VEPH1: variants seen among roughly 807,000 people sequenced by gnomAD.
The protein encoded by VEPH1 is ventricular zone expressed PH domain containing 1, also known as ventricular zone-expressed PH domain-containing protein homolog 1.
In VEPH1, 80 loss-of-function variants were observed where a neutral mutation model predicts 85.2. The observed-to-expected ratio is 0.94, with a 90% confidence interval of 0.78 to 1.13. The LOEUF is 1.13. VEPH1 is among the 50% of genes most tolerant of loss of function. VEPH1 has a pLI of 0.00. For missense variants in VEPH1, 955 were observed against 980.5 expected, an observed-to-expected ratio of 0.97 and a Z score of 0.35; for synonymous variants, 297 against 348.0, an observed-to-expected ratio of 0.85 and a Z score of 1.63.
At chr3:157,265,720 G>C in intron 12 of VEPH1, 58 bp from the exon 13 acceptor site, 1 of 1,585,696 alleles carries the variant, frequency 6.3e-7, no homozygotes, top group Non-Finnish European at 8.6e-7. Context: ...CTAGGTAGGT[G>C]ATCAAAAGTC....
At chr3:157,357,926 T>C (rs2108748801) in intron 9 of VEPH1, among the ~76,000 whole-genome samples, 1 of 152,352 alleles carries the variant, frequency 6.6e-6, no homozygotes, top group South Asian at 2.1e-4. Flanking sequence ...TTTTGGAAGT[T>C]TGCAACATGT....
At chr3:157,325,464 T>C (rs1362727527) in intron 9 of VEPH1, among the ~76,000 whole-genome samples, 1 of 152,216 alleles carries the variant, frequency 6.6e-6, no homozygotes, top group African/African-American at 2.4e-5. Flanking sequence ...CGGGTTTTGA[T>C]AGTTTTGGGT....
At chr3:157,281,087 C>CGTGT (rs141433345) in intron 12 of VEPH1, among the ~76,000 whole-genome samples, 6,431 of 148,752 alleles carry the variant, frequency 0.043, 165 homozygotes, top group South Asian at 0.11. Flanking sequence ...CATATGTGTG[C>CGTGT]GTGTGTGTGT....
intron 6 of VEPH1, among the ~76,000 whole-genome samples, chr3:157,401,265 A>G (rs1456108): frequency 0.67 from 102,018 of 151,968 alleles, 34,614 homozygotes; most frequent in South Asian, 0.75. Flanking sequence ...TAAAAAGAGA[A>G]AGGCTGATTG....
chr3:157,436,513 G>A (rs1483160099), intron 4 of VEPH1, among the ~76,000 whole-genome samples: 1 of 152,104 alleles, frequency 6.6e-6, no homozygotes, highest in South Asian at 2.1e-4. Flanking sequence ...CTGAAATGAT[G>A]ATTTGCTTCA....
At chr3:157,307,100 T>A (rs1456583226) in intron 11 of VEPH1, among the ~76,000 whole-genome samples, 1 of 152,044 alleles carries the variant, frequency 6.6e-6, no homozygotes, top group African/African-American at 2.4e-5. Context: ...ATTTAAGCAT[T>A]TTTATGATCA....
At chr3:157,483,280 A>G (rs1298989396) in intron 2 of VEPH1, among the ~76,000 whole-genome samples, 1 of 152,156 alleles carries the variant, frequency 6.6e-6, no homozygotes, top group Admixed American at 6.6e-5. Context: ...TCCTAGCAGA[A>G]GCAAATACAA....
At position 157,270,890 on chromosome 3, in the gene VEPH1, A is replaced by T. The variant is rs571876289; in HGVS notation, c.2129-5228T>A. On this transcript the variant is annotated intron_variant, in intron 12 of 13. Coordinates refer to ENST00000362010, the MANE Select transcript of VEPH1 (RefSeq NM_001167912.2). ...AAGCCACATGTTACAGCATTTGAAG[A>T]GCAGAAATTCCACTTCTAGTTGAGA... Among the ~76,000 whole-genome samples the T allele has an allele frequency of 2.0e-5, 3 of 152,122 alleles. No individual in the cohort carries two copies. In the East Asian group the frequency reaches 5.8e-4, roughly 30 times the overall value.
chr3:157,363,199 T>TG (rs1324840681), intron 9 of VEPH1, 165 bp downstream of exon 9: 43 of 540,106 alleles, frequency 8.0e-5, no homozygotes, highest in East Asian at 2.0e-4. Flanking sequence ...AACCTTTTCT[T>TG]GGGAAAAAAA....
intron 2 of VEPH1, among the ~76,000 whole-genome samples, chr3:157,492,823 A>G (rs1251329350): frequency 6.6e-6 from 1 of 152,160 alleles, no homozygotes; most frequent in Non-Finnish European, 1.5e-5. Flanking sequence ...AGCTATAAGA[A>G]GAAGATTAGA....
chr3:157,280,344 C>T (rs1486199568), intron 12 of VEPH1, among the ~76,000 whole-genome samples: 3 of 152,094 alleles, frequency 2.0e-5, no homozygotes, highest in Non-Finnish European at 2.9e-5. Flanking sequence ...CACATTACTA[C>T]GTATAGTGAT....
chr3:157,496,460 T>A (rs1206736041), intron 1 of VEPH1, among the ~76,000 whole-genome samples: 1 of 152,234 alleles, frequency 6.6e-6, no homozygotes, highest in Non-Finnish European at 1.5e-5. Context: ...CTGATTTCAG[T>A]CCAGTGCACT....
At chr3:157,491,565 A>G (rs1330981843) in intron 2 of VEPH1, among the ~76,000 whole-genome samples, 1 of 152,150 alleles carries the variant, frequency 6.6e-6, no homozygotes, top group African/African-American at 2.4e-5. Context: ...GAAAAAGAGG[A>G]CATGGACTGG....
intron 2 of VEPH1, among the ~76,000 whole-genome samples, chr3:157,491,775 A>G (rs546067462): frequency 6.6e-6 from 1 of 152,328 alleles, no homozygotes; most frequent in South Asian, 2.1e-4. Flanking sequence ...AAAATGTGGC[A>G]GAATACACTT....
At chr3:157,386,498 T>C (rs952596993) in intron 6 of VEPH1, among the ~76,000 whole-genome samples, 3 of 152,078 alleles carry the variant, frequency 2.0e-5, no homozygotes, top group Admixed American at 6.5e-5. Flanking sequence ...GGGGAGGCAG[T>C]GGGGAAAAGA....
chr3:157,305,369 C>T (rs1301433332), intron 11 of VEPH1, among the ~76,000 whole-genome samples: 1 of 152,078 alleles, frequency 6.6e-6, no homozygotes, highest in African/African-American at 2.4e-5. Context: ...CTCGGCCTCC[C>T]AAAGTGCTGG....
intron 5 of VEPH1, among the ~76,000 whole-genome samples, chr3:157,420,805 T>G (rs1037404673): frequency 1.3e-5 from 2 of 152,194 alleles, no homozygotes. Context: ...ACCGGAAGGC[T>G]TCCCTTGCCA....
chr3:157,456,518 G>A (rs970385429), intron 4 of VEPH1, among the ~76,000 whole-genome samples: 2 of 152,172 alleles, frequency 1.3e-5, no homozygotes, highest in East Asian at 3.8e-4. Context: ...TTACATTTAA[G>A]TATTTAATCC....
intron 11 of VEPH1, among the ~76,000 whole-genome samples, chr3:157,290,869 C>T (rs1247237049): frequency 6.6e-6 from 1 of 152,126 alleles, no homozygotes; most frequent in Non-Finnish European, 1.5e-5. Context: ...TAAGTCTAAG[C>T]CAGGCAGCAT....
Sources: gnomAD v4.1 joint callset for allele counts (sites outside exome capture counted in the v4.1 genomes callset) on GRCh38, gnomAD v4.1.1 for gene constraint, MANE v1.5 for transcripts, NCBI Gene and HGNC (gene_info 2026-07-23, HGNC 2026-07-21) for gene names.